Variants in DZANK1 observed in about 807,000 individuals in gnomAD.
The protein encoded by DZANK1 is double zinc ribbon and ankyrin repeat-containing protein 1.
A neutral mutation model predicts 94.5 loss-of-function variants in DZANK1; 91 were observed. The ratio of observed to expected loss-of-function variants is 0.96; its 90% CI spans 0.81 to 1.15. The LOEUF is 1.15. Among genes scored for constraint, DZANK1 ranks in the 50% most tolerant of loss-of-function variants. The pLI, the probability that DZANK1 is intolerant of heterozygous loss-of-function variation, is 0.00. For synonymous variants in DZANK1, 312 were observed against 325.3 expected, an observed-to-expected ratio of 0.96 and a Z score of 0.44; for missense variants, 903 against 916.4, an observed-to-expected ratio of 0.99 and a Z score of 0.19.
intron 10 of DZANK1, among the ~76,000 whole-genome samples, chr20:18,421,739 T>C (rs1297095099): frequency 6.6e-6 from 1 of 152,146 alleles, no homozygotes; most frequent in Non-Finnish European, 1.5e-5. Flanking sequence ...CATAGGCTTT[T>C]GAAAAAATCT....
At chr20:18,411,811 C>T (rs1600839878) in intron 13 of DZANK1, among the ~76,000 whole-genome samples, 2 of 152,160 alleles carry the variant, frequency 1.3e-5, no homozygotes, top group African/African-American at 4.8e-5. Flanking sequence ...ATTCTGGAAG[C>T]TAGAAGTCCA....
At chr20:18,420,589 G>T in intron 10 of DZANK1, 1 of 228,912 alleles carries the variant, frequency 4.4e-6, no homozygotes, top group East Asian at 1.0e-4. Flanking sequence ...CCACAAAATA[G>T]GCACTGCCTG....
chr20:18,443,531 T>C (rs1346443148), intron 7 of DZANK1, 67 bp from the exon 8 acceptor site: 1 of 909,458 alleles, frequency 1.1e-6, no homozygotes, highest in Non-Finnish European at 1.6e-6. Flanking sequence ...CTGATAAAAA[T>C]CTAAAAGCGG....
At chr20:18,396,408 A>G (rs944222137) in intron 15 of DZANK1, 64 bp downstream of exon 15, 7 of 1,325,362 alleles carry the variant, frequency 5.3e-6, no homozygotes, top group Non-Finnish European at 7.5e-6. Context: ...AAGCATTTCT[A>G]TAAATTGTCT....
At chr20:18,440,229 T>C (rs1327938659) in intron 8 of DZANK1, among the ~76,000 whole-genome samples, 1 of 152,226 alleles carries the variant, frequency 6.6e-6, no homozygotes, top group Non-Finnish European at 1.5e-5. Context: ...GGGGTTTTGC[T>C]GTGGCAACCT....
At chr20:18,388,694 A>C (rs1245641628) in intron 19 of DZANK1, among the ~76,000 whole-genome samples, 1 of 152,240 alleles carries the variant, frequency 6.6e-6, no homozygotes, top group Non-Finnish European at 1.5e-5. Context: ...ATAAATTCCA[A>C]GCATCGAAGC....
intron 9 of DZANK1, among the ~76,000 whole-genome samples, chr20:18,429,716 C>T (rs1264982117): frequency 6.6e-6 from 1 of 152,242 alleles, no homozygotes; most frequent in African/African-American, 2.4e-5. Context: ...GTCTACTTTA[C>T]TGCGTCAGGT....
chr20:18,423,912 GAATAAATA>G (rs113318061), intron 10 of DZANK1, among the ~76,000 whole-genome samples: 2 of 151,196 alleles, frequency 1.3e-5, no homozygotes, highest in Non-Finnish European at 1.5e-5. Context: ...AAAGAAAAGA[GAATAAATA>G]AAGAGCAAAA....
chr20:18,417,856 C>T (rs913925210), intron 10 of DZANK1, among the ~76,000 whole-genome samples: 3 of 152,198 alleles, frequency 2.0e-5, no homozygotes, highest in East Asian at 1.9e-4. Context: ...GAGGCTGAGG[C>T]GAGTGTATCA....
chr20:18,399,499 G>A (rs7264257), intron 13 of DZANK1, among the ~76,000 whole-genome samples: 54,119 of 151,966 alleles, frequency 0.36, 10,712 homozygotes, highest in Middle Eastern at 0.46. Context: ...CAAAGTGCTA[G>A]GATTATAGGT....
chr20:18,454,949 G>A (rs1241863586), intron 4 of DZANK1, among the ~76,000 whole-genome samples: 1 of 152,212 alleles, frequency 6.6e-6, no homozygotes, highest in Non-Finnish European at 1.5e-5. Flanking sequence ...GGCAGAAACT[G>A]ATGACTTGGA....
At chr20:18,433,179 T>C (rs1314805167) in intron 9 of DZANK1, 1 of 158,764 alleles carries the variant, frequency 6.3e-6, no homozygotes. Flanking sequence ...TATTGGCAAA[T>C]TAAACTCTTG....
At chr20:18,402,219 G>T (rs1383240121) in intron 13 of DZANK1, among the ~76,000 whole-genome samples, 1 of 152,120 alleles carries the variant, frequency 6.6e-6, no homozygotes, top group Non-Finnish European at 1.5e-5. Context: ...TGACCATCAG[G>T]TGATGGTCAG....
At chr20:18,453,680 C>G in intron 5 of DZANK1, 51 bp downstream of exon 5, 1 of 1,330,928 alleles carries the variant, frequency 7.5e-7, no homozygotes, top group Non-Finnish European at 1.1e-6. Context: ...CCATGAACCT[C>G]TTCGGTGGGT....
chr20:18,398,193 G>A (rs1413867522), intron 14 of DZANK1, among the ~76,000 whole-genome samples: 1 of 152,178 alleles, frequency 6.6e-6, no homozygotes, highest in Non-Finnish European at 1.5e-5. Flanking sequence ...TATTAACAGT[G>A]TATGATTTAA....
chr20:18,389,693 T>C lies in DZANK1; in HGVS notation c.2018+8A>G. The C allele has an allele frequency of 6.2e-7, 1 of 1,613,712 alleles. No individual in the cohort carries two copies. Among genetic ancestry groups the C allele is most frequent in the African/African-American group, 1.3e-5 (1 of 75,048 alleles). Reference sequence around the variant, plus strand: ...ACCTTAGCTCTCCTTTCAATGTGTTTCACTTACGGCCCCCACTGCTGGTCG... The same window carrying C: ...ACCTTAGCTCTCCTTTCAATGTGTTCCACTTACGGCCCCCACTGCTGGTCG... On this transcript the variant is annotated splice_region_variant and intron_variant, in intron 19 of 20. Transcript: ENST00000262547.
intron 8 of DZANK1, among the ~76,000 whole-genome samples, chr20:18,435,104 G>C (rs1371804802): frequency 6.6e-6 from 1 of 152,182 alleles, no homozygotes; most frequent in African/African-American, 2.4e-5. Flanking sequence ...AACTGCAAGA[G>C]AGCTCGGCAT....
At chr20:18,388,107 T>C (rs1170092034) in intron 19 of DZANK1, among the ~76,000 whole-genome samples, 1 of 152,050 alleles carries the variant, frequency 6.6e-6, no homozygotes, top group Admixed American at 6.5e-5. Flanking sequence ...CAGTGGGAAA[T>C]GCTACTTTCC....
At chr20:18,402,354 T>C (rs557657236) in intron 13 of DZANK1, among the ~76,000 whole-genome samples, 5 of 151,376 alleles carry the variant, frequency 3.3e-5, no homozygotes, top group East Asian at 3.9e-4. Flanking sequence ...ATCTCAGGAG[T>C]TGGACGAGTG....
Sources: gnomAD v4.1 joint callset for allele counts (sites outside exome capture counted in the v4.1 genomes callset) on GRCh38, gnomAD v4.1.1 for gene constraint, MANE v1.5 for transcripts, NCBI Gene and HGNC (gene_info 2026-07-23, HGNC 2026-07-21) for gene names.